NFIA: variants seen among roughly 807,000 people sequenced by gnomAD.
The protein encoded by NFIA is nuclear factor I A.
Under a neutral mutation model 62.8 loss-of-function variants are expected in NFIA, and 8 were observed. The ratio of observed to expected loss-of-function variants is 0.13; its 90% CI spans 0.07 to 0.23. The LOEUF (loss-of-function observed/expected upper bound fraction) is 0.23. NFIA is among the 10% of genes least tolerant of loss of function. The pLI, the probability that NFIA is intolerant of heterozygous loss-of-function variation, is 1.00. For missense variants in NFIA, 410 were observed against 642.1 expected (o/e 0.64, Z 3.91); for synonymous variants, 235 against 238.1 (o/e 0.99, Z 0.12).
chr1:61,139,361 T>A (rs12126498), intron 2 of NFIA, among the ~76,000 whole-genome samples: 6,155 of 152,276 alleles, frequency 0.04, 168 homozygotes, highest in Non-Finnish European at 0.065. Flanking sequence ...AGGCTACTGG[T>A]CCGGGCAGGC....
In NFIA at chr1:61,113,991, T is replaced by C. The variant is rs190890651; in HGVS notation, c.559+25311T>C. On this transcript the variant is annotated intron_variant, in intron 2 of 10. Transcript: ENST00000403491. ...GAAAGGATTAATCATGAAGTCCAAATGTAGGGAGCATTGAAAACAAGAGTA... is the reference window on the plus strand; with the variant it reads ...GAAAGGATTAATCATGAAGTCCAAACGTAGGGAGCATTGAAAACAAGAGTA... Among the ~76,000 whole-genome samples, 1,052 of 152,216 alleles carry C rather than the reference T, an allele frequency of 6.9e-3. 6 individuals carry two copies. Among genetic ancestry groups the C allele is most frequent in the Non-Finnish European group, 0.011 (760 of 68,012 alleles).
intron 1 of NFIA, among the ~76,000 whole-genome samples, chr1:61,083,807 G>T (rs1249555151): frequency 6.6e-6 from 1 of 151,484 alleles, no homozygotes; most frequent in Non-Finnish European, 1.5e-5. Flanking sequence ...GACTCCGGCC[G>T]CTCCGCGCGC....
At chr1:61,304,394 G>T (rs1426190246) in intron 3 of NFIA, among the ~76,000 whole-genome samples, 2 of 152,194 alleles carry the variant, frequency 1.3e-5, no homozygotes, top group Non-Finnish European at 2.9e-5. Flanking sequence ...CATTAGTTAT[G>T]TCAACCTAAA....
chr1:61,331,624 C>A (rs1051932941), intron 3 of NFIA, among the ~76,000 whole-genome samples: 3 of 152,116 alleles, frequency 2.0e-5, no homozygotes, highest in Non-Finnish European at 4.4e-5. Context: ...ACTAAGCTGA[C>A]CTTGGAGTGA....
chr1:61,348,536 A>C (rs1662370622), intron 4 of NFIA, among the ~76,000 whole-genome samples: 1 of 152,194 alleles, frequency 6.6e-6, no homozygotes, highest in African/African-American at 2.4e-5. Context: ...CAGGAAGTAT[A>C]TATATGACCA....
chr1:61,081,786 C>T (rs1646098698), upstream of NFIA: 1 of 1,341,146 alleles, frequency 7.5e-7, no homozygotes, highest in African/African-American at 1.5e-5. Context: ...CGAAGCTGCA[C>T]AAAGTTTGCA....
At chr1:61,403,026 A>G (rs1665647721) in intron 7 of NFIA, among the ~76,000 whole-genome samples, 2 of 152,208 alleles carry the variant, frequency 1.3e-5, no homozygotes, top group Admixed American at 6.5e-5. Flanking sequence ...GTTTCTCTTC[A>G]GTATTATGAG....
intron 3 of NFIA, among the ~76,000 whole-genome samples, chr1:61,287,441 C>T (rs1480971596): frequency 3.3e-5 from 5 of 152,212 alleles, no homozygotes; most frequent in African/African-American, 9.6e-5. Flanking sequence ...CCCCTGCTCT[C>T]GTGACCCCAT....
At chr1:61,263,838 A>G (rs1656929303) in intron 2 of NFIA, among the ~76,000 whole-genome samples, 1 of 152,122 alleles carries the variant, frequency 6.6e-6, no homozygotes, top group Admixed American at 6.5e-5. Flanking sequence ...AAAAATACAA[A>G]AATTAGCTGG....
intron 10 of NFIA, among the ~76,000 whole-genome samples, chr1:61,430,493 C>T (rs973256713): frequency 1.3e-5 from 2 of 152,204 alleles, no homozygotes; most frequent in Non-Finnish European, 2.9e-5. Context: ...TGGTAGCCTG[C>T]TGTTTCTTCC....
At chr1:61,391,097 G>C (rs1052593537) in intron 7 of NFIA, among the ~76,000 whole-genome samples, 4 of 152,020 alleles carry the variant, frequency 2.6e-5, no homozygotes, top group Non-Finnish European at 5.9e-5. Context: ...CTCTCTCTCT[G>C]ACACCCAGGC....
At chr1:61,413,752 G>T (rs1454610840) in intron 9 of NFIA, among the ~76,000 whole-genome samples, 3 of 147,354 alleles carry the variant, frequency 2.0e-5, no homozygotes, top group Admixed American at 1.4e-4. Flanking sequence ...TCAGCCTCCT[G>T]AGTAGCTGGG....
rs141802361 is a variant in NFIA at position 61,262,299 on chromosome 1, A to G, written c.560-15221A>G. Among the ~76,000 whole-genome samples the G allele has an allele frequency of 2.6e-5, 4 of 152,320 alleles. No individual in the cohort carries two copies. The East Asian group carries it at 7.7e-4, about 29-fold the overall frequency. Reference sequence around the variant, plus strand: ...GGTTTCTTACAGCATGACTTTGTTCATTATGACTTCAGTGTTTGTATACAG... The same window carrying G: ...GGTTTCTTACAGCATGACTTTGTTCGTTATGACTTCAGTGTTTGTATACAG... On this transcript the variant is annotated intron_variant, in intron 2 of 10. Coordinates refer to ENST00000403491, the MANE Select transcript of NFIA (RefSeq NM_001134673.4).
At chr1:61,209,341 C>T (rs1426355238) in intron 2 of NFIA, among the ~76,000 whole-genome samples, 1 of 152,082 alleles carries the variant, frequency 6.6e-6, no homozygotes, top group Non-Finnish European at 1.5e-5. Context: ...TAGGGTTAAA[C>T]AGGTTTCCCT....
rs1668386493 is a variant in NFIA, at chr1:61,458,168, A to G, written c.*2848A>G. 2 of 151,602 alleles carry G rather than the reference A, an allele frequency of 1.3e-5. No homozygotes were observed. The highest frequency in any genetic ancestry group is 2.4e-5 in the African/African-American group (1 of 41,174). 9.4% of individuals were successfully genotyped at this position (151,602 alleles called of 1,614,324 possible). On this transcript the variant is annotated 3_prime_UTR_variant, in exon 11 of 11. Transcript: ENST00000403491. ...ATAGCACTTAGCTGGGCATTACTTTATTATGACATATGTGCACTAAAAAAT... is the reference window on the plus strand; with the variant it reads ...ATAGCACTTAGCTGGGCATTACTTTGTTATGACATATGTGCACTAAAAAAT...
intron 7 of NFIA, among the ~76,000 whole-genome samples, chr1:61,397,103 A>G (rs1373369161): frequency 1.3e-5 from 2 of 152,182 alleles, no homozygotes; most frequent in Non-Finnish European, 2.9e-5. Context: ...TAAGTGAAAA[A>G]TAGCATCTAA....
intron 2 of NFIA, among the ~76,000 whole-genome samples, chr1:61,102,840 A>G (rs1646534843): frequency 6.6e-6 from 1 of 152,174 alleles, no homozygotes; most frequent in Non-Finnish European, 1.5e-5. Context: ...TACTCCTGCT[A>G]GGCTGATGTT....
chr1:61,278,037 G>A (rs745819862), intron 3 of NFIA, among the ~76,000 whole-genome samples: 5 of 114,216 alleles, frequency 4.4e-5, no homozygotes, highest in Non-Finnish European at 6.8e-5. Context: ...TCAACACTTT[G>A]CCAATTCCTT....
At chr1:61,356,612 TC>T (rs1215724749) in intron 5 of NFIA, among the ~76,000 whole-genome samples, 3 of 152,224 alleles carry the variant, frequency 2.0e-5, no homozygotes, top group South Asian at 2.1e-4. Context: ...GTGTATATCG[TC>T]TTATAAAGGA....
Sources: gnomAD v4.1 joint callset for allele counts (sites outside exome capture counted in the v4.1 genomes callset) on GRCh38, gnomAD v4.1.1 for gene constraint, MANE v1.5 for transcripts, NCBI Gene and HGNC (gene_info 2026-07-23, HGNC 2026-07-21) for gene names.